Variants in HDLBP observed in about 807,000 individuals in gnomAD.
HDLBP encodes the protein high density lipoprotein binding protein.
In HDLBP, 30 loss-of-function variants were observed where a neutral mutation model predicts 137.3. The ratio of observed to expected loss-of-function variants is 0.22; its 90% CI spans 0.16 to 0.30. The LOEUF is 0.30. Among genes scored for constraint, HDLBP ranks in the 10% least tolerant of loss-of-function variants. The pLI, the probability that HDLBP is intolerant of heterozygous loss-of-function variation, is 1.00. For synonymous variants in HDLBP, 606 were observed against 596.0 expected, an observed-to-expected ratio of 1.02 and a Z score of -0.24; for missense variants, 1,119 against 1,667.3, an observed-to-expected ratio of 0.67 and a Z score of 5.73.
At chr2:241,244,597 A>C (rs1478345913) in intron 16 of HDLBP, among the ~76,000 whole-genome samples, 2 of 152,224 alleles carry the variant, frequency 1.3e-5, no homozygotes, top group Non-Finnish European at 2.9e-5. Flanking sequence ...CAGCTTTTCG[A>C]AAGTGAAGGA....
rs147465151 is a variant in HDLBP, at chr2:241,227,358, CAT to C, written c.*2241_*2242del. ...TCATCCATATTCATGAGCCTTTACA[CAT>C]GTTTGCATATAATCTCCAAATTCCA... On this transcript the variant is annotated 3_prime_UTR_variant, in exon 28 of 28. Transcript: ENST00000310931. 2.2e-4 allele frequency: 33 copies of C among 152,666 alleles called. No homozygotes were observed. The East Asian group carries it at 4.8e-3, about 22-fold the overall frequency. The allele number at this position is 152,666 out of a possible 1,614,324, so 9.5% of individuals were successfully genotyped here.
At chr2:241,267,358 T>C (rs528385932) in intron 2 of HDLBP, among the ~76,000 whole-genome samples, 237 of 152,272 alleles carry the variant, frequency 1.6e-3, no homozygotes, top group Non-Finnish European at 2.5e-3. Flanking sequence ...CCCTCAAAAG[T>C]TGCCTGTAAT....
intron 5 of HDLBP, among the ~76,000 whole-genome samples, chr2:241,259,034 A>G (rs2149499711): frequency 6.6e-6 from 1 of 152,362 alleles, no homozygotes; most frequent in East Asian, 1.9e-4. Context: ...CTACTGTAAC[A>G]TAATTTGTAA....
intron 9 of HDLBP, among the ~76,000 whole-genome samples, chr2:241,253,964 G>T (rs2072408447): frequency 6.6e-6 from 1 of 152,192 alleles, no homozygotes; most frequent in Non-Finnish European, 1.5e-5. Context: ...GTTAAGGAAG[G>T]CAGACTGGTC....
chr2:241,246,670 G>GCGT, intron 16 of HDLBP, 82 bp downstream of exon 16: 1 of 1,396,744 alleles, frequency 7.2e-7, no homozygotes, highest in Non-Finnish European at 9.9e-7. Flanking sequence ...CAATGACCCT[G>GCGT]CGTGACTCAA....
At position 241,285,619 on chromosome 2, in the gene HDLBP, T is replaced by C. The variant is rs1267368196; in HGVS notation, c.-102-17078A>G. ...GCTCTCAAACCTGTTTATGCCAGTTTCACTAGTTAATGTAACTACATTTAG... is the reference window on the plus strand; with the variant it reads ...GCTCTCAAACCTGTTTATGCCAGTTCCACTAGTTAATGTAACTACATTTAG... On this transcript the variant is annotated intron_variant, in intron 1 of 27. Transcript: ENST00000310931. Among the ~76,000 whole-genome samples, 4 of 152,244 alleles carry C rather than the reference T, an allele frequency of 2.6e-5. No homozygotes were observed. In the East Asian group the frequency reaches 5.8e-4, roughly 22 times the overall value.
intron 7 of HDLBP, 74 bp from the exon 8 acceptor site, chr2:241,255,654 G>A: frequency 8.2e-7 from 1 of 1,214,036 alleles, no homozygotes; most frequent in Non-Finnish European, 1.2e-6. Flanking sequence ...GGCCACTGCT[G>A]CAGAAAGCAA....
intron 1 of HDLBP, chr2:241,269,672 A>C (rs1412739635): frequency 2.0e-5 from 3 of 152,254 alleles, no homozygotes; most frequent in Non-Finnish European, 4.4e-5. Flanking sequence ...TCCATTTAAA[A>C]GCATCACCAA....
intron 5 of HDLBP, among the ~76,000 whole-genome samples, chr2:241,260,552 T>A (rs2073073244): frequency 6.6e-6 from 1 of 152,230 alleles, no homozygotes; most frequent in Non-Finnish European, 1.5e-5. Flanking sequence ...ACAAGAATTA[T>A]CAACTAATGT....
Position 241,239,431 on chromosome 2 carries a change from A to G in HDLBP, c.2610+171T>C, listed in dbSNP as rs147565051. 4.0e-4 allele frequency among the ~76,000 whole-genome samples: 60 copies of G among 151,382 alleles called. No individual in the cohort carries two copies. Among genetic ancestry groups the G allele is most frequent in the African/African-American group, 1.4e-3 (57 of 41,208 alleles). On this transcript the variant is annotated intron_variant, in intron 19 of 27. Coordinates refer to ENST00000310931, the MANE Select transcript of HDLBP (RefSeq NM_005336.6). This position sits in a 1 kb window ranked among gnomAD's most constrained non-coding sequence, Gnocchi z 4.6. Reference sequence around the variant, plus strand: ...GAATTCTCACCAACTATCAGGAAGGAGGCCAGACAGGCTGAGGAAAGAAGA... The same window carrying G: ...GAATTCTCACCAACTATCAGGAAGGGGGCCAGACAGGCTGAGGAAAGAAGA...
At chr2:241,310,738 A>G (rs1287715795) in intron 1 of HDLBP, among the ~76,000 whole-genome samples, 3 of 152,240 alleles carry the variant, frequency 2.0e-5, no homozygotes, top group Non-Finnish European at 4.4e-5. Context: ...TGAGTTGCAA[A>G]TAAACAGGAC....
At chr2:241,256,089 G>C in intron 7 of HDLBP, 95 bp downstream of exon 7, 1 of 1,043,606 alleles carries the variant, frequency 9.6e-7, no homozygotes, top group South Asian at 1.4e-5. Flanking sequence ...AGGACAAAAA[G>C]ATAAGGGGCA....
chr2:241,297,363 T>C (rs996179463), intron 1 of HDLBP, among the ~76,000 whole-genome samples: 4 of 152,196 alleles, frequency 2.6e-5, no homozygotes, highest in East Asian at 1.9e-4. Context: ...ATTGTCACTG[T>C]TGGGAAACGG....
chr2:241,254,113 G>A (rs2072423563), intron 9 of HDLBP, among the ~76,000 whole-genome samples: 1 of 152,036 alleles, frequency 6.6e-6, no homozygotes, highest in Non-Finnish European at 1.5e-5. Context: ...GTAAGACTCT[G>A]CCTCCACGAA....
At chr2:241,245,168 A>C (rs143003483) in intron 16 of HDLBP, among the ~76,000 whole-genome samples, 1 of 151,802 alleles carries the variant, frequency 6.6e-6, no homozygotes, top group Admixed American at 6.7e-5. Flanking sequence ...AATTAAATGC[A>C]AACATCATAA....
At chr2:241,259,632 G>A (rs985650374) in intron 5 of HDLBP, among the ~76,000 whole-genome samples, 7 of 152,296 alleles carry the variant, frequency 4.6e-5, no homozygotes, top group African/African-American at 1.7e-4. Flanking sequence ...GGGATTACAG[G>A]TGAGCACGCC....
chr2:241,229,872 C>A lies in HDLBP; in HGVS notation c.3681G>T (p.Val1227=). ...TGGCGGTCCAGGGTGCGTCCCGCAC[C>A]ACAAAGCCTCTGGAAGGTGCCTTGG... ...EEAKAPSRGF[V]VRDAPWTASS... The change falls in exon 27 of 28, where the codon GTG becomes GTT. Residue 1227 remains valine (V), a synonymous_variant. Coordinates refer to ENST00000310931, the MANE Select transcript of HDLBP (RefSeq NM_005336.6). The A allele has an allele frequency of 6.3e-7, 1 of 1,588,088 alleles. No individual in the cohort carries two copies. Among genetic ancestry groups the A allele is most frequent in the East Asian group, 2.3e-5 (1 of 43,710 alleles).
At position 241,240,249 on chromosome 2, in the gene HDLBP, C is replaced by A. The variant is rs2071071691; in HGVS notation, c.2170-127G>T. On this transcript the variant is annotated intron_variant, in intron 17 of 27. Coordinates refer to ENST00000310931, the MANE Select transcript of HDLBP (RefSeq NM_005336.6). The surrounding 1 kb of genome is among the most constrained non-coding windows in gnomAD (Gnocchi z 5.5). Reference sequence around the variant, plus strand: ...CATTGTCACCAGTGTCCTGATGTTGCACCAATACCCCCAAAATGGGGCTAG... The same window carrying A: ...CATTGTCACCAGTGTCCTGATGTTGAACCAATACCCCCAAAATGGGGCTAG... 3.5e-6 allele frequency: 3 copies of A among 861,634 alleles called. No individual in the cohort carries two copies. The allele number at this position is 861,634 out of a possible 1,614,324, so 53.4% of individuals were successfully genotyped here. A position where few individuals can be genotyped will look rare whatever the true frequency, so the allele number is the denominator to read the frequency against.
Position 241,262,849 on chromosome 2 carries a change from G to A in HDLBP, c.312C>T (p.Cys104=). The change falls in exon 5 of 28, where the codon TGC becomes TGT. Residue 104 remains cysteine (C), a synonymous_variant. Transcript: ENST00000310931. Reference sequence around the variant, plus strand: ...CACCAGTTCTCTGCATGATCTCAAGGCAGATTTTTGCTTGTTCACCTTCTC... The same window carrying A: ...CACCAGTTCTCTGCATGATCTCAAGACAGATTTTTGCTTGTTCACCTTCTC... ...QFGEGEQAKI[C]LEIMQRTGAH... is the part of the protein sequence containing the mutation. The A allele has an allele frequency of 6.2e-7, 1 of 1,614,146 alleles. No homozygotes were observed.
Sources: gnomAD v4.1 joint callset for allele counts (sites outside exome capture counted in the v4.1 genomes callset) on GRCh38, gnomAD v4.1.1 for gene constraint, Gnocchi (gnomAD v3.1) non-coding constraint, MANE v1.5 for transcripts, NCBI Gene and HGNC (gene_info 2026-07-23, HGNC 2026-07-21) for gene names.